Variants in EFL1 observed in about 807,000 individuals in gnomAD.
EFL1 encodes elongation factor-like GTPase 1.
A neutral mutation model predicts 126.7 loss-of-function variants in EFL1; 76 were observed. The observed-to-expected ratio is 0.60, with a 90% confidence interval of 0.50 to 0.73. EFL1 has a LOEUF of 0.73. EFL1 is among the 30% of genes least tolerant of loss of function. The probability of loss-of-function intolerance (pLI) is 0.00; values close to 1 mark genes in which losing one functional copy is unlikely to be tolerated. For synonymous variants in EFL1, 410 were observed against 448.4 expected (o/e 0.91, Z 1.08); for missense variants, 1,128 against 1,343.2 (o/e 0.84, Z 2.50).
intron 4 of EFL1, among the ~76,000 whole-genome samples, chr15:82,246,605 C>A (rs75810422): frequency 0.15 from 22,330 of 151,832 alleles, 1,892 homozygotes; most frequent in South Asian, 0.38. Flanking sequence ...CTTGAGCATG[C>A]TTAAAAGCTG....
chr15:82,130,742 T>C (rs994260219), intron 19 of EFL1, among the ~76,000 whole-genome samples, 181 bp from the exon 20 acceptor site: 4 of 152,344 alleles, frequency 2.6e-5, no homozygotes, highest in Admixed American at 1.3e-4. Context: ...CTCACGCCTA[T>C]AGTCCTAGCA....
In EFL1 at chr15:82,240,372, A is replaced by G. The variant is rs1400623347; in HGVS notation, c.516+46T>C. ...TACCCAGCTCAGTAACTTCCTTACA[A>G]CTCTTCTTCGTGGCTAAATTTTTTA... On this transcript the variant is annotated intron_variant, in intron 6 of 19. Transcript: ENST00000268206. The G allele has an allele frequency of 4.6e-6, 7 of 1,535,098 alleles. No individual in the cohort carries two copies. In the South Asian group the frequency reaches 8.6e-5, roughly 19 times the overall value.
intron 3 of EFL1, among the ~76,000 whole-genome samples, chr15:82,253,461 G>T (rs1275675331): frequency 2.6e-5 from 4 of 151,774 alleles, no homozygotes; most frequent in Non-Finnish European, 4.4e-5. Flanking sequence ...TTGAAATACT[G>T]CATACCCTCC....
chr15:82,227,613 C>T (rs1358523223), intron 10 of EFL1, 41 bp from the exon 11 acceptor site: 2 of 1,612,666 alleles, frequency 1.2e-6, no homozygotes, highest in Admixed American at 1.7e-5. Flanking sequence ...TGAGCCAGTG[C>T]CTCCCACCAA....
intron 15 of EFL1, among the ~76,000 whole-genome samples, chr15:82,204,081 T>A (rs185141456): frequency 6.6e-6 from 1 of 152,340 alleles, no homozygotes; most frequent in East Asian, 1.9e-4. Flanking sequence ...GATTTTAACA[T>A]TTTTGTCATT....
At chr15:82,241,548 A>G in intron 4 of EFL1, 145 bp from the exon 5 acceptor site, 8 of 1,003,366 alleles carry the variant, frequency 8.0e-6, no homozygotes, top group Non-Finnish European at 1.1e-5. Flanking sequence ...CAGAGCTACC[A>G]TTCCAACTTT....
chr15:82,154,427 C>T (rs1328188530), intron 17 of EFL1, among the ~76,000 whole-genome samples: 3 of 152,196 alleles, frequency 2.0e-5, no homozygotes, highest in Admixed American at 2.0e-4. Context: ...AGATTATATA[C>T]TACCAAAAGG....
chr15:82,254,631 A>G (rs969676420), intron 3 of EFL1, among the ~76,000 whole-genome samples: 4 of 152,200 alleles, frequency 2.6e-5, no homozygotes, highest in Admixed American at 2.0e-4. Context: ...TAAGCCTTCT[A>G]TAAGAATCAT....
chr15:82,130,703 A>G, intron 19 of EFL1, 142 bp from the exon 20 acceptor site: 1 of 885,846 alleles, frequency 1.1e-6, no homozygotes. Context: ...GAATGGTAAT[A>G]AGTATGAAGA....
chr15:82,260,542 G>T (rs1261226596), intron 2 of EFL1, among the ~76,000 whole-genome samples: 2 of 152,062 alleles, frequency 1.3e-5, no homozygotes, highest in Admixed American at 6.6e-5. Context: ...TCCCCCAAAG[G>T]CTCCCTACTG....
At chr15:82,258,965 C>A (rs1245308135) in intron 3 of EFL1, 123 bp downstream of exon 3, 1 of 863,628 alleles carries the variant, frequency 1.2e-6, no homozygotes, top group Non-Finnish European at 1.8e-6. Flanking sequence ...GGATTGGCAG[C>A]TTTTAGACGC....
At chr15:82,155,714 T>C (rs1367285305) in intron 17 of EFL1, among the ~76,000 whole-genome samples, 1 of 152,236 alleles carries the variant, frequency 6.6e-6, no homozygotes, top group African/African-American at 2.4e-5. Flanking sequence ...GGTGAATTCT[T>C]GTTGTTCCAC....
chr15:82,144,644 T>C (rs1479004718), intron 18 of EFL1, among the ~76,000 whole-genome samples: 2 of 152,190 alleles, frequency 1.3e-5, no homozygotes, highest in African/African-American at 4.8e-5. Context: ...TAAATCTTTG[T>C]TGAATTGAAT....
At chr15:82,221,982 C>CTTG (rs1200645165) in intron 12 of EFL1, among the ~76,000 whole-genome samples, 1 of 152,194 alleles carries the variant, frequency 6.6e-6, no homozygotes, top group African/African-American at 2.4e-5. Flanking sequence ...TCAACCAATC[C>CTTG]TTTGACAACT....
At chr15:82,136,937 A>G (rs1473104112) in intron 19 of EFL1, among the ~76,000 whole-genome samples, 1 of 152,200 alleles carries the variant, frequency 6.6e-6, no homozygotes, top group Non-Finnish European at 1.5e-5. Context: ...AATTACTGTT[A>G]AAACCTAGAG....
intron 18 of EFL1, among the ~76,000 whole-genome samples, chr15:82,148,949 T>C (rs571246662): frequency 2.1e-5 from 3 of 139,732 alleles, no homozygotes; most frequent in Admixed American, 7.8e-5. Context: ...ATGGACTTTC[T>C]AATACAAAAT....
chr15:82,222,437 A>C (rs915061940), intron 12 of EFL1, among the ~76,000 whole-genome samples: 1 of 152,210 alleles, frequency 6.6e-6, no homozygotes, highest in African/African-American at 2.4e-5. Flanking sequence ...ATGTGATTTC[A>C]CTTTAGTTTT....
chr15:82,178,539 C>T (rs1252268808), intron 15 of EFL1, among the ~76,000 whole-genome samples: 1 of 152,168 alleles, frequency 6.6e-6, no homozygotes, highest in Non-Finnish European at 1.5e-5. Context: ...GAGGTCAGTT[C>T]TTCAGGTTTT....
At chr15:82,228,364 T>C (rs761674404) in intron 9 of EFL1, 37 bp from the exon 10 acceptor site, 3 of 1,598,512 alleles carry the variant, frequency 1.9e-6, no homozygotes, top group African/African-American at 1.3e-5. Flanking sequence ...GGAAATGTCA[T>C]ATGCAGATAT....
Sources: allele counts gnomAD v4.1 joint callset (sites outside exome capture counted in the v4.1 genomes callset), GRCh38; gene constraint gnomAD v4.1.1; transcripts MANE v1.5; gene names NCBI Gene and HGNC (gene_info 2026-07-23, HGNC 2026-07-21).